The following MAF variants were observed in gnomAD, a reference collection of about 807,000 sequenced individuals.
MAF encodes the protein MAF bZIP transcription factor, also known as transcription factor Maf.
In MAF, 10 loss-of-function variants were observed where a neutral mutation model predicts 22.0. That is an observed-to-expected ratio of 0.45 (90% CI 0.28 to 0.77). MAF has a LOEUF of 0.77. MAF is among the 30% of genes least tolerant of loss of function. The pLI, the probability that MAF is intolerant of heterozygous loss-of-function variation, is 0.12. For missense variants in MAF, 544 were observed against 548.4 expected (o/e 0.99, Z 0.08); for synonymous variants, 337 against 255.8 (o/e 1.32, Z -3.03).
chr16:79,400,952 T>C, the MAF span, among the ~76,000 whole-genome samples: 1 of 152,244 alleles, frequency 6.6e-6, no homozygotes, highest in Non-Finnish European at 1.5e-5. Context: ...AGAGGCATGA[T>C]AAACACAGCA....
At chr16:79,523,332 G>A in the MAF span, among the ~76,000 whole-genome samples, 1 of 152,164 alleles carries the variant, frequency 6.6e-6, no homozygotes, top group African/African-American at 2.4e-5. Context: ...CTGAAGGGAG[G>A]GAGACTACAG....
the MAF span, among the ~76,000 whole-genome samples, chr16:79,445,294 T>C: frequency 1.5e-4 from 23 of 152,158 alleles, no homozygotes; most frequent in South Asian, 4.1e-4. Flanking sequence ...CTGCCCGCCT[T>C]GGCCTCCCAA....
the MAF span, among the ~76,000 whole-genome samples, chr16:79,504,240 T>C: frequency 6.6e-6 from 1 of 152,202 alleles, no homozygotes; most frequent in Non-Finnish European, 1.5e-5. Context: ...CAAACTAAAA[T>C]GCCTAATAGG....
the MAF span, among the ~76,000 whole-genome samples, chr16:79,271,944 C>G: frequency 1.1e-4 from 16 of 152,314 alleles, no homozygotes; most frequent in African/African-American, 3.8e-4. Context: ...AAACGGGGGC[C>G]CACACAGGAT....
At chr16:79,340,742 G>A in the MAF span, among the ~76,000 whole-genome samples, 1 of 152,038 alleles carries the variant, frequency 6.6e-6, no homozygotes, top group African/African-American at 2.4e-5. Context: ...CTAGATGCCA[G>A]TAGCCCATCA....
the MAF span, among the ~76,000 whole-genome samples, chr16:79,496,804 T>C: frequency 3.4e-4 from 52 of 152,294 alleles, no homozygotes; most frequent in South Asian, 4.1e-4. Context: ...TCTTCAAATA[T>C]GCAAATTCAT....
the MAF span, among the ~76,000 whole-genome samples, chr16:79,318,569 C>A: frequency 6.6e-6 from 1 of 152,144 alleles, no homozygotes; most frequent in Non-Finnish European, 1.5e-5. Flanking sequence ...TCATCTAAGT[C>A]GGCAGATGAT....
the MAF span, among the ~76,000 whole-genome samples, chr16:79,329,184 C>T: frequency 1.3e-5 from 2 of 152,124 alleles, no homozygotes; most frequent in East Asian, 1.9e-4. Context: ...TTAAAGGAAA[C>T]CTTATTTCCC....
the MAF span, among the ~76,000 whole-genome samples, chr16:79,240,781 C>G: frequency 6.6e-6 from 1 of 151,904 alleles, no homozygotes; most frequent in Non-Finnish European, 1.5e-5. Flanking sequence ...CAATGGACAC[C>G]TCATACAAGA....
chr16:79,578,424 A>G, the MAF span, among the ~76,000 whole-genome samples: 1 of 152,150 alleles, frequency 6.6e-6, no homozygotes, highest in Non-Finnish European at 1.5e-5. Flanking sequence ...CTCATGATCA[A>G]TTTCTTCTCT....
At chr16:79,486,708 A>G in the MAF span, among the ~76,000 whole-genome samples, 1 of 152,234 alleles carries the variant, frequency 6.6e-6, no homozygotes. Flanking sequence ...GAGAGCATAA[A>G]ATATTTCTTA....
chr16:79,594,731 T>C, intron 1 of MAF, 178 bp from the exon 2 acceptor site: 1 of 1,416,778 alleles, frequency 7.1e-7, no homozygotes, highest in East Asian at 2.6e-5. Context: ...AACATGTATT[T>C]GTTTGCTACT....
At chr16:79,430,668 G>A in the MAF span, among the ~76,000 whole-genome samples, 2 of 152,140 alleles carry the variant, frequency 1.3e-5, no homozygotes, top group Admixed American at 6.5e-5. Context: ...CAGGGGAGAG[G>A]GTGCCTTCTG....
the MAF span, among the ~76,000 whole-genome samples, chr16:79,501,246 T>C: frequency 2.0e-5 from 3 of 152,214 alleles, no homozygotes; most frequent in Admixed American, 1.3e-4. Flanking sequence ...TGAAGGGTTG[T>C]CAGATCCTTC....
At chr16:79,384,892 A>G in the MAF span, among the ~76,000 whole-genome samples, 1 of 152,246 alleles carries the variant, frequency 6.6e-6, no homozygotes, top group Admixed American at 6.5e-5. Flanking sequence ...TTGTGCAAAC[A>G]AAATTCTAAG....
the MAF span, chr16:79,211,798 T>C: frequency 6.2e-7 from 1 of 1,613,996 alleles, no homozygotes; most frequent in Non-Finnish European, 8.5e-7. Context: ...TCCGGCTAAG[T>C]GGAGCTCAGA....
At chr16:79,388,792 A>T in the MAF span, among the ~76,000 whole-genome samples, 1 of 152,202 alleles carries the variant, frequency 6.6e-6, no homozygotes, top group African/African-American at 2.4e-5. Flanking sequence ...CCTTTTTTAT[A>T]TATGTTCTCC....
chr16:79,494,253 T>A, the MAF span, among the ~76,000 whole-genome samples: 1 of 152,180 alleles, frequency 6.6e-6, no homozygotes, highest in Non-Finnish European at 1.5e-5. Context: ...GCAAGCTATG[T>A]TTCTTCCTGG....
chr16:79,288,973 A>G, the MAF span, among the ~76,000 whole-genome samples: 1 of 151,984 alleles, frequency 6.6e-6, no homozygotes, highest in Non-Finnish European at 1.5e-5. Flanking sequence ...CAGGTGATCC[A>G]CCCGCCTCGG....
Sources: gnomAD v4.1 joint callset for allele counts (sites outside exome capture counted in the v4.1 genomes callset) on GRCh38, gnomAD v4.1.1 for gene constraint, MANE v1.5 for transcripts, NCBI Gene and HGNC (gene_info 2026-07-23, HGNC 2026-07-21) for gene names.